Variants in PPP1R12A observed in about 807,000 individuals in gnomAD.
PPP1R12A encodes the protein protein phosphatase 1 regulatory subunit 12A.
A neutral mutation model predicts 139.6 loss-of-function variants in PPP1R12A; 19 were observed. The ratio of observed to expected loss-of-function variants is 0.14; its 90% CI spans 0.09 to 0.20. The LOEUF (loss-of-function observed/expected upper bound fraction) is 0.20, where lower values mean the gene tolerates loss of function less well. Ranked by LOEUF, PPP1R12A falls within the 10% of genes least tolerant of loss-of-function variation. The pLI, the probability that PPP1R12A is intolerant of heterozygous loss-of-function variation, is 1.00. For synonymous variants in PPP1R12A, 427 were observed against 420.6 expected (o/e 1.02, Z -0.19); for missense variants, 925 against 1,211.5 (o/e 0.76, Z 3.51).
intron 9 of PPP1R12A, among the ~76,000 whole-genome samples, chr12:79,813,032 G>A (rs1261935952): frequency 6.6e-6 from 1 of 152,096 alleles, no homozygotes; most frequent in East Asian, 1.9e-4. Flanking sequence ...GTACACTGCT[G>A]TCAGAATAAT....
At chr12:79,809,618 T>A (rs1874284831) in intron 10 of PPP1R12A, among the ~76,000 whole-genome samples, 177 bp downstream of exon 10, 1 of 152,200 alleles carries the variant, frequency 6.6e-6, no homozygotes, top group African/African-American at 2.4e-5. Flanking sequence ...CAAATACATC[T>A]GATCTTTCCA....
rs553793559 is a variant in PPP1R12A at position 79,829,936 on chromosome 12, A to T, written c.648-1472T>A. Among the ~76,000 whole-genome samples, 4 of 152,302 alleles carry T rather than the reference A, an allele frequency of 2.6e-5. No individual in the cohort carries two copies. The South Asian group carries it at 8.3e-4, about 32-fold the overall frequency. Reference sequence around the variant, plus strand: ...TCTCAAGCATAGGTTCTATGAATAGACATGCAATGGGAGTACAAAACTGAA... The same window carrying T: ...TCTCAAGCATAGGTTCTATGAATAGTCATGCAATGGGAGTACAAAACTGAA... On this transcript the variant is annotated intron_variant, in intron 4 of 24. Coordinates refer to ENST00000450142, the MANE Select transcript of PPP1R12A (RefSeq NM_002480.3).
intron 2 of PPP1R12A, among the ~76,000 whole-genome samples, chr12:79,850,269 T>A (rs1269568843): frequency 6.6e-6 from 1 of 152,188 alleles, no homozygotes; most frequent in Non-Finnish European, 1.5e-5. Context: ...TACAAAACTA[T>A]TTATGTGCTA....
At chr12:79,929,646 G>A (rs1373717635) in intron 1 of PPP1R12A, among the ~76,000 whole-genome samples, 2 of 152,002 alleles carry the variant, frequency 1.3e-5, no homozygotes, top group South Asian at 2.1e-4. Context: ...CCACGCACCC[G>A]TAATCCCAGC....
At chr12:79,904,524 C>T (rs1486535357) in intron 1 of PPP1R12A, among the ~76,000 whole-genome samples, 2 of 151,970 alleles carry the variant, frequency 1.3e-5, no homozygotes, top group Non-Finnish European at 2.9e-5. Flanking sequence ...ATCCTTATGA[C>T]GAAAACCTTG....
chr12:79,781,705 A>G (rs908816610), intron 23 of PPP1R12A, 110 bp downstream of exon 23: 1 of 564,468 alleles, frequency 1.8e-6, no homozygotes, highest in African/African-American at 1.9e-5. Context: ...ATAAATATTT[A>G]AACTAATTAA....
intron 1 of PPP1R12A, among the ~76,000 whole-genome samples, chr12:79,922,378 G>A (rs1395823823): frequency 6.6e-6 from 1 of 152,144 alleles, no homozygotes; most frequent in Non-Finnish European, 1.5e-5. Flanking sequence ...TTCACGGTTA[G>A]TTTTCCATTT....
In PPP1R12A at chr12:79,807,266, T is replaced by C; in HGVS notation, c.1615A>G (p.Lys539Glu). Residue 539 changes from lysine (K) to glutamate (E), a missense_variant, in exon 12 of 25, where the codon AAA becomes GAA. By Grantham distance (56) the Lys-to-Glu change is moderately conservative. Transcript: ENST00000450142. ...GATCCTTCATTAACTGAGCTATTTT[T>C]TTTAAGATCATCTTCCCATTTTCTC... is the stretch of plus-strand genomic sequence containing the variant. ...TRRKWEDDLK[K>E]NSSVNEGSTY... 1.9e-6 allele frequency: 3 copies of C among 1,555,180 alleles called. No homozygotes were observed. The highest frequency in any genetic ancestry group is 1.4e-5 in the African/African-American group (1 of 73,838).
At chr12:79,794,798 A>G (rs1158689777) in intron 18 of PPP1R12A, among the ~76,000 whole-genome samples, 2 of 152,078 alleles carry the variant, frequency 1.3e-5, no homozygotes, top group African/African-American at 2.4e-5. Context: ...AAATATTTTT[A>G]TAACAATAGA....
intron 1 of PPP1R12A, among the ~76,000 whole-genome samples, chr12:79,880,702 T>C (rs887971621): frequency 7.2e-5 from 11 of 152,102 alleles, no homozygotes; most frequent in African/African-American, 2.7e-4. Context: ...ACAGAAGCAA[T>C]AAGAAGAGGA....
Position 79,805,244 on chromosome 12 carries a change from T to C in PPP1R12A, c.2000+348A>G, listed in dbSNP as rs949317065. On this transcript the variant is annotated intron_variant, in intron 14 of 24. Transcript: ENST00000450142. The stretch of plus-strand genomic sequence containing the variant: ...ATGAGAAGAATGATAAAACCTGTTT[T>C]TGTCATGTTGCATCTAATTTTCCCT... 7.2e-5 allele frequency among the ~76,000 whole-genome samples: 11 copies of C among 152,350 alleles called. No homozygotes were observed. The East Asian group carries it at 2.1e-3, about 29-fold the overall frequency.
intron 2 of PPP1R12A, among the ~76,000 whole-genome samples, chr12:79,871,227 A>G (rs1257094462): frequency 6.6e-6 from 1 of 152,208 alleles, no homozygotes; most frequent in Non-Finnish European, 1.5e-5. Flanking sequence ...ATTATTCTTT[A>G]GGTCATTTTA....
intron 1 of PPP1R12A, among the ~76,000 whole-genome samples, chr12:79,930,410 A>G (rs1399080216): frequency 1.3e-5 from 2 of 152,152 alleles, no homozygotes; most frequent in Non-Finnish European, 2.9e-5. Flanking sequence ...TGACAGCAAT[A>G]TGCATGCTAG....
intron 1 of PPP1R12A, among the ~76,000 whole-genome samples, chr12:79,920,635 CA>C (rs1887363196): frequency 6.6e-6 from 1 of 152,080 alleles, no homozygotes. Flanking sequence ...TGGATTAATC[CA>C]CTCATGGATT....
intron 22 of PPP1R12A, chr12:79,782,632 CAAAAAAAGAA>C (rs886106257): frequency 1.7e-4 from 72 of 413,106 alleles, no homozygotes; most frequent in African/African-American, 6.0e-4. Context: ...AAGAACAAAA[CAAAAAAAGAA>C]AAAAAAAGAA....
Position 79,828,323 on chromosome 12 carries a change from T to C in PPP1R12A, c.789A>G (p.Lys263=). ...DNLCDMEMVN[K]VGQTAFDVAD... Reference sequence around the variant, plus strand: ...AAAATACGTTTAAAACGCCTACCACTTTGTTGACCATCTCCATATCACACA... The same window carrying C: ...AAAATACGTTTAAAACGCCTACCACCTTGTTGACCATCTCCATATCACACA... Residue 263 remains lysine (K), a synonymous_variant, in exon 5 of 25, where the codon AAA becomes AAG. Coordinates refer to ENST00000450142, the MANE Select transcript of PPP1R12A (RefSeq NM_002480.3). The C allele has an allele frequency of 6.2e-7, 1 of 1,607,414 alleles. No homozygotes were observed. The highest frequency in any genetic ancestry group is 8.5e-7 in the Non-Finnish European group (1 of 1,176,372).
intron 11 of PPP1R12A, 93 bp from the exon 12 acceptor site, chr12:79,807,423 T>C: frequency 1.3e-6 from 1 of 759,480 alleles, no homozygotes; most frequent in Non-Finnish European, 2.1e-6. Flanking sequence ...AAGCTGAAAC[T>C]AGTAAAAACC....
At chr12:79,900,414 G>A (rs1452393055) in intron 1 of PPP1R12A, among the ~76,000 whole-genome samples, 1 of 152,120 alleles carries the variant, frequency 6.6e-6, no homozygotes, top group Non-Finnish European at 1.5e-5. Flanking sequence ...TTCATTGATG[G>A]ATTCTAGGGT....
intron 18 of PPP1R12A, among the ~76,000 whole-genome samples, chr12:79,794,832 T>C (rs1040825942): frequency 6.6e-6 from 1 of 152,112 alleles, no homozygotes; most frequent in Non-Finnish European, 1.5e-5. Context: ...CTACATAAAA[T>C]AGCATAGATA....
Sources: gnomAD v4.1 joint callset for allele counts (sites outside exome capture counted in the v4.1 genomes callset) on GRCh38, gnomAD v4.1.1 for gene constraint, MANE v1.5 for transcripts, NCBI Gene and HGNC (gene_info 2026-07-23, HGNC 2026-07-21) for gene names.